USP48: variants seen among roughly 807,000 people sequenced by gnomAD.
The protein encoded by USP48 is ubiquitin carboxyl-terminal hydrolase 48.
USP48 carries 43 observed loss-of-function variants against 150.7 expected under a neutral mutation model. The observed-to-expected ratio is 0.29, with a 90% CI of 0.22 to 0.37. The LOEUF (loss-of-function observed/expected upper bound fraction) is 0.37. Among genes scored for constraint, USP48 ranks in the 10% least tolerant of loss-of-function variants. The pLI is 1.00. For synonymous variants in USP48, 396 were observed against 425.9 expected, an observed-to-expected ratio of 0.93 and a Z score of 0.86; for missense variants, 813 against 1,249.6, an observed-to-expected ratio of 0.65 and a Z score of 5.27.
Position 21,752,490 on chromosome 1 carries a change from A to G in USP48, c.665+37T>C, listed in dbSNP as rs1047506094. ...GTTAACATATGAGCAACTGTCTTAGAATAAAATGTACCATGAAAAAGTTGA... is the reference window on the plus strand; with the variant it reads ...GTTAACATATGAGCAACTGTCTTAGGATAAAATGTACCATGAAAAAGTTGA... On this transcript the variant is annotated intron_variant, in intron 5 of 26. Transcript: ENST00000308271. The G allele has an allele frequency of 3.7e-6, 6 of 1,601,848 alleles. No homozygotes were observed. The African/African-American group carries it at 8.1e-5, about 22-fold the overall frequency.
At chr1:21,684,876 G>A (rs2097576532) in intron 25 of USP48, among the ~76,000 whole-genome samples, 2 of 151,992 alleles carry the variant, frequency 1.3e-5, no homozygotes, top group South Asian at 4.1e-4. Context: ...TTATTTTTGG[G>A]TTCTTTATTC....
At chr1:21,683,308 G>A (rs2097571758) in intron 25 of USP48, among the ~76,000 whole-genome samples, 1 of 152,156 alleles carries the variant, frequency 6.6e-6, no homozygotes, top group Non-Finnish European at 1.5e-5. Flanking sequence ...ATGGGGAACA[G>A]CTTATATTTT....
At chr1:21,725,904 T>A (rs1319902943) in intron 11 of USP48, among the ~76,000 whole-genome samples, 1 of 152,200 alleles carries the variant, frequency 6.6e-6, no homozygotes. Context: ...TAGAGTACAC[T>A]GGGTATCTGG....
chr1:21,763,260 G>T (rs139334698), intron 1 of USP48, among the ~76,000 whole-genome samples: 1 of 152,016 alleles, frequency 6.6e-6, no homozygotes, highest in African/African-American at 2.4e-5. Flanking sequence ...GTCTTCAGTC[G>T]GCTAGAACAC....
intron 1 of USP48, among the ~76,000 whole-genome samples, chr1:21,773,255 AAAAAAAAAAAAAAAAAAAAG>A (rs1354486772): frequency 3.2e-5 from 3 of 94,594 alleles, no homozygotes; most frequent in Non-Finnish European, 2.1e-5. Flanking sequence ...ACTCGGTCTC[AAAAAAAAAAAAAAAAAAAAG>A]AAAGAAATAT....
At chr1:21,758,185 AACACACACAC>A (rs149088635) in intron 1 of USP48, among the ~76,000 whole-genome samples, 19 of 141,350 alleles carry the variant, frequency 1.3e-4, no homozygotes, top group South Asian at 4.6e-4. Flanking sequence ...GCAACTGTAA[AACACACACAC>A]ACACACACAC....
At chr1:21,718,205 A>C (rs2097709983) in intron 14 of USP48, among the ~76,000 whole-genome samples, 1 of 152,268 alleles carries the variant, frequency 6.6e-6, no homozygotes, top group Non-Finnish European at 1.5e-5. Context: ...TCATGTAAAA[A>C]ATTAAAATAG....
chr1:21,705,533 T>C (rs115387989), intron 19 of USP48, among the ~76,000 whole-genome samples, 194 bp downstream of exon 19: 2,945 of 152,184 alleles, frequency 0.019, 101 homozygotes, highest in African/African-American at 0.066. Flanking sequence ...ACAAATAGCC[T>C]CGGGCAGCCT....
chr1:21,715,344 A>C (rs2097701376), intron 15 of USP48, 45 bp downstream of exon 15: 1 of 1,491,842 alleles, frequency 6.7e-7, no homozygotes, highest in Non-Finnish European at 9.2e-7. Context: ...GCTAAAAGTA[A>C]AAAAAAGGAC....
intron 15 of USP48, among the ~76,000 whole-genome samples, chr1:21,712,704 C>T (rs1366957406): frequency 2.7e-5 from 4 of 150,596 alleles, no homozygotes; most frequent in Admixed American, 2.0e-4. Context: ...TCTTGGCTCA[C>T]TGCAACCTCC....
At chr1:21,722,171 C>T (rs12030578) in intron 12 of USP48, among the ~76,000 whole-genome samples, 23,104 of 151,660 alleles carry the variant, frequency 0.15, 2,571 homozygotes, top group East Asian at 0.37. Context: ...AAATGAAGGG[C>T]CTGGTTTAAA....
At chr1:21,765,860 C>T (rs1407531237) in intron 1 of USP48, among the ~76,000 whole-genome samples, 1 of 128,626 alleles carries the variant, frequency 7.8e-6, no homozygotes, top group Admixed American at 8.5e-5. Context: ...GCCGAGATCC[C>T]ATGGTGCTCC....
intron 3 of USP48, among the ~76,000 whole-genome samples, chr1:21,753,938 G>A (rs957168039): frequency 1.1e-4 from 17 of 150,546 alleles, no homozygotes; most frequent in Admixed American, 6.6e-4. Context: ...CATGGCTGGC[G>A]GATCACAAGG....
At chr1:21,763,360 T>G (rs1390734447) in intron 1 of USP48, among the ~76,000 whole-genome samples, 2 of 152,174 alleles carry the variant, frequency 1.3e-5, no homozygotes, top group Non-Finnish European at 2.9e-5. Context: ...TGGCCACACT[T>G]CAGGTGGGAA....
Position 21,739,831 on chromosome 1 carries a change from T to C in USP48, c.992-3206A>G, listed in dbSNP as rs956697917. 3.3e-5 allele frequency among the ~76,000 whole-genome samples: 5 copies of C among 152,228 alleles called. No individual in the cohort carries two copies. In the East Asian group the frequency reaches 5.8e-4, roughly 18 times the overall value. On this transcript the variant is annotated intron_variant, in intron 8 of 26. Transcript: ENST00000308271. ...CCATCCACCACCTCCACTCCCTGGGTTCTGGTAACCACCATTTTCTTCTCT... is the reference window on the plus strand; with the variant it reads ...CCATCCACCACCTCCACTCCCTGGGCTCTGGTAACCACCATTTTCTTCTCT...
At position 21,705,829 on chromosome 1, in the gene USP48, G is replaced by A. The variant is rs776599506; in HGVS notation, c.2282C>T (p.Thr761Ile). 1 of 1,599,268 alleles carries A rather than the reference G, an allele frequency of 6.3e-7. No homozygotes were observed. The highest frequency in any genetic ancestry group is 1.3e-5 in the African/African-American group (1 of 74,316). ...AACTGATGACACAGGGCTGCATCTT[G>A]TAGGCTTTCTACTCAAATGAGACAA... ...EEWRKFVRKPTRCSPVSSVGN... is the reference protein window; with the variant it reads ...EEWRKFVRKPIRCSPVSSVGN... The change falls in exon 19 of 27, where the codon ACA becomes ATA. Residue 761 changes from threonine (T) to isoleucine (I), a missense_variant. Coordinates refer to ENST00000308271, the MANE Select transcript of USP48 (RefSeq NM_032236.8).
rs186994169 is a variant in USP48 at position 21,770,625 on chromosome 1, C to T, written c.134+12199G>A. Among the ~76,000 whole-genome samples, 59 of 151,104 alleles carry T rather than the reference C, an allele frequency of 3.9e-4. No homozygotes were observed. In the East Asian group the frequency reaches 0.011, roughly 27 times the overall value. The stretch of plus-strand genomic sequence containing the variant: ...GCCTTCTGAGTAGTGGGACTACAGG[C>T]GCGCACCACCATGCTCGGCTAATTT... On this transcript the variant is annotated intron_variant, in intron 1 of 26. Transcript: ENST00000308271.
chr1:21,757,908 C>T (rs1053125034), intron 1 of USP48, 125 bp from the exon 2 acceptor site: 28 of 1,229,428 alleles, frequency 2.3e-5, no homozygotes, highest in African/African-American at 3.1e-5. Context: ...AAGTATAAGA[C>T]ACTCAGTTTG....
intron 9 of USP48, among the ~76,000 whole-genome samples, chr1:21,731,660 C>G (rs1389777496): frequency 6.6e-6 from 1 of 151,900 alleles, no homozygotes; most frequent in East Asian, 2.0e-4. Flanking sequence ...GCAGGTAGAT[C>G]ACCTGAGGTC....
Sources: allele counts gnomAD v4.1 joint callset (sites outside exome capture counted in the v4.1 genomes callset), GRCh38; gene constraint gnomAD v4.1.1; transcripts MANE v1.5; gene names NCBI Gene and HGNC (gene_info 2026-07-23, HGNC 2026-07-21).